The following SUPT3H variants were observed in gnomAD, a reference collection of about 807,000 sequenced individuals.
SUPT3H encodes the protein SPT3 homolog, SAGA and STAGA complex component.
In SUPT3H, 44 loss-of-function variants were observed where a neutral mutation model predicts 44.3. That is an observed-to-expected ratio of 0.99 (90% CI 0.78 to 1.28). SUPT3H has a LOEUF of 1.28. Ranked by LOEUF, SUPT3H falls within the 50% of genes most tolerant of loss-of-function variation. SUPT3H has a pLI of 0.00. For missense variants in SUPT3H, 380 were observed against 387.1 expected, an observed-to-expected ratio of 0.98 and a Z score of 0.15; for synonymous variants, 124 against 125.6, an observed-to-expected ratio of 0.99 and a Z score of 0.09.
chr6:45,190,454 G>A (rs1205394896), intron 2 of SUPT3H, among the ~76,000 whole-genome samples: 1 of 151,760 alleles, frequency 6.6e-6, no homozygotes, highest in Non-Finnish European at 1.5e-5. Flanking sequence ...TTTTCCATAT[G>A]TAAACTCTGT....
intron 7 of SUPT3H, among the ~76,000 whole-genome samples, chr6:44,960,672 T>A (rs1160775852): frequency 1.3e-5 from 2 of 152,172 alleles, no homozygotes; most frequent in Non-Finnish European, 2.9e-5. Flanking sequence ...AAGACTTGAA[T>A]GCCATTTTTA....
At chr6:45,159,154 A>C (rs1264676275) in intron 2 of SUPT3H, 3 of 152,204 alleles carry the variant, frequency 2.0e-5, no homozygotes, top group African/African-American at 7.2e-5. Flanking sequence ...CTGCTCTTCA[A>C]GCACAATATC....
chr6:44,897,216 G>A (rs536579372), intron 10 of SUPT3H, among the ~76,000 whole-genome samples: 4 of 152,108 alleles, frequency 2.6e-5, no homozygotes. Flanking sequence ...ATACACACTT[G>A]GTGCTTTTTG....
chr6:44,961,971 A>AT (rs1323723989), intron 6 of SUPT3H, 143 bp from the exon 7 acceptor site: 6 of 529,790 alleles, frequency 1.1e-5, no homozygotes, highest in African/African-American at 9.8e-5. Flanking sequence ...ATCACGATAC[A>AT]TAAAATCACA....
At position 44,993,433 on chromosome 6, in the gene SUPT3H, T is replaced by G. The variant is rs537321750; in HGVS notation, c.504+10220A>C. Reference sequence around the variant, plus strand: ...GTAACTTGCTTTTTATTTCATTAACTGAAAAATGCCTTCTCCAGAAGGCAC... The same window carrying G: ...GTAACTTGCTTTTTATTTCATTAACGGAAAAATGCCTTCTCCAGAAGGCAC... On this transcript the variant is annotated intron_variant, in intron 6 of 10. Transcript: ENST00000371459. 5.1e-5 allele frequency among the ~76,000 whole-genome samples: 5 copies of G among 97,368 alleles called. No individual in the cohort carries two copies. The South Asian group carries it at 1.5e-3, about 30-fold the overall frequency. The allele number at this position is 97,368 out of a possible 152,430, so 63.9% of individuals were successfully genotyped here.
chr6:45,088,372 C>T (rs1300626507), intron 3 of SUPT3H, among the ~76,000 whole-genome samples: 2 of 151,986 alleles, frequency 1.3e-5, no homozygotes, highest in Non-Finnish European at 2.9e-5. Flanking sequence ...GTGTCTTTGC[C>T]TTTGACACTC....
chr6:45,043,203 T>C (rs1206356737), intron 3 of SUPT3H, among the ~76,000 whole-genome samples: 2 of 148,808 alleles, frequency 1.3e-5, no homozygotes, highest in East Asian at 4.0e-4. Context: ...CAAGGCAAAT[T>C]ACAAAAAGAG....
intron 10 of SUPT3H, among the ~76,000 whole-genome samples, chr6:44,931,558 C>A (rs1226623341): frequency 2.6e-5 from 4 of 151,934 alleles, no homozygotes; most frequent in African/African-American, 9.7e-5. Flanking sequence ...AACATTCATG[C>A]AAAAGGATAT....
intron 2 of SUPT3H, among the ~76,000 whole-genome samples, chr6:45,163,431 G>C (rs547199407): frequency 6.6e-6 from 1 of 152,062 alleles, no homozygotes; most frequent in Non-Finnish European, 1.5e-5. Flanking sequence ...ATGTAAAGTA[G>C]TGAGCATAAT....
At chr6:45,263,834 G>A (rs992711180) in intron 2 of SUPT3H, among the ~76,000 whole-genome samples, 1 of 151,936 alleles carries the variant, frequency 6.6e-6, no homozygotes, top group African/African-American at 2.4e-5. Flanking sequence ...ATCACACAAA[G>A]GCACCTTGGT....
chr6:45,237,612 T>G (rs1025950615), intron 2 of SUPT3H, among the ~76,000 whole-genome samples: 4 of 152,184 alleles, frequency 2.6e-5, no homozygotes, highest in Admixed American at 1.3e-4. Context: ...GTTTAGGTTA[T>G]CATTTTTGAT....
At chr6:45,190,963 T>C (rs1054110586) in intron 2 of SUPT3H, among the ~76,000 whole-genome samples, 5 of 152,080 alleles carry the variant, frequency 3.3e-5, no homozygotes, top group African/African-American at 1.2e-4. Context: ...TCACTGCTGG[T>C]GGGAATGTAA....
At chr6:45,029,220 T>C (rs554420515) in intron 3 of SUPT3H, among the ~76,000 whole-genome samples, 6 of 151,830 alleles carry the variant, frequency 4.0e-5, no homozygotes, top group Non-Finnish European at 7.4e-5. Flanking sequence ...CTTTTTAGAA[T>C]AGTAAGTCAA....
At chr6:44,861,107 A>G (rs1582042932) in intron 10 of SUPT3H, among the ~76,000 whole-genome samples, 2 of 152,108 alleles carry the variant, frequency 1.3e-5, no homozygotes, top group East Asian at 3.9e-4. Context: ...TTTTGGATAC[A>G]GGGTGTCACT....
chr6:45,295,548 A>AC (rs371813364), intron 2 of SUPT3H, among the ~76,000 whole-genome samples: 7,586 of 90,684 alleles, frequency 0.084, 835 homozygotes, highest in Non-Finnish European at 0.1. Context: ...AAAAAAAAAA[A>AC]AAAAAACAGC....
intron 1 of SUPT3H, among the ~76,000 whole-genome samples, chr6:45,369,062 G>GAATAAC (rs1250422263): frequency 6.6e-6 from 1 of 151,910 alleles, no homozygotes; most frequent in African/African-American, 2.4e-5. Flanking sequence ...CTAGTGTTTA[G>GAATAAC]AATAACACAA....
chr6:44,865,050 T>A (rs1247123599), intron 10 of SUPT3H, among the ~76,000 whole-genome samples: 1 of 152,214 alleles, frequency 6.6e-6, no homozygotes, highest in Admixed American at 6.5e-5. Flanking sequence ...GCCAGATACC[T>A]TAAATCATCT....
Position 44,888,883 on chromosome 6 carries a change from A to C in SUPT3H, c.912+43770T>G, listed in dbSNP as rs540109508. ...TAGAAAACCCCATCGTCTCAGCCCA[A>C]AATCTCCTTAAGCTGATAAGCGACT... On this transcript the variant is annotated intron_variant, in intron 10 of 10. Coordinates refer to ENST00000371459, the MANE Select transcript of SUPT3H (RefSeq NM_003599.4). Among the ~76,000 whole-genome samples the C allele has an allele frequency of 1.4e-3, 188 of 137,992 alleles. 2 individuals carry two copies. The highest frequency in any genetic ancestry group is 4.8e-3 in the African/African-American group (174 of 36,494). The allele number at this position is 137,992 out of a possible 152,430, so 90.5% of individuals were successfully genotyped here.
intron 2 of SUPT3H, among the ~76,000 whole-genome samples, chr6:45,284,923 G>C (rs558289141): frequency 9.2e-5 from 14 of 152,252 alleles, no homozygotes; most frequent in African/African-American, 1.4e-4. Flanking sequence ...CCCTGGGATG[G>C]AAGGCTGGTT....
Sources: gnomAD v4.1 joint callset for allele counts (sites outside exome capture counted in the v4.1 genomes callset) on GRCh38, gnomAD v4.1.1 for gene constraint, MANE v1.5 for transcripts, NCBI Gene and HGNC (gene_info 2026-07-23, HGNC 2026-07-21) for gene names.